Variants in ARHGEF3 observed in about 807,000 individuals in gnomAD.
ARHGEF3 encodes the protein Rho guanine nucleotide exchange factor 3, also known as 59.8 kDA protein.
In ARHGEF3, 28 loss-of-function variants were observed where a neutral mutation model predicts 63.2. The observed-to-expected ratio is 0.44, with a 90% CI of 0.33 to 0.61. The LOEUF is 0.61. ARHGEF3 is among the 20% of genes least tolerant of loss of function. The probability of loss-of-function intolerance (pLI) is 0.03; values close to 1 mark genes in which losing one functional copy is unlikely to be tolerated. For synonymous variants in ARHGEF3, 266 were observed against 254.2 expected (o/e 1.05, Z -0.44); for missense variants, 533 against 659.3 (o/e 0.81, Z 2.10).
chr3:56,761,202 G>A (rs918889644), intron 2 of ARHGEF3, among the ~76,000 whole-genome samples: 11 of 152,192 alleles, frequency 7.2e-5, no homozygotes, highest in Admixed American at 6.5e-4. Context: ...ATGGTCTGGG[G>A]ACAGCACATG....
intron 9 of ARHGEF3, among the ~76,000 whole-genome samples, chr3:56,730,847 G>GT (rs1437044780): frequency 6.6e-6 from 1 of 152,176 alleles, no homozygotes; most frequent in East Asian, 1.9e-4. Context: ...AAGCAACAGA[G>GT]GGAAAGGAGG....
At chr3:56,849,105 A>G (rs1482812117) in intron 4 of ARHGEF3, among the ~76,000 whole-genome samples, 1 of 152,168 alleles carries the variant, frequency 6.6e-6, no homozygotes. Context: ...TCTTAATTTC[A>G]GTGAATCAAG....
chr3:56,844,885 T>G (rs1412597928), intron 4 of ARHGEF3, among the ~76,000 whole-genome samples: 1 of 152,238 alleles, frequency 6.6e-6, no homozygotes, highest in Non-Finnish European at 1.5e-5. Context: ...ACTGATTTTC[T>G]TCTAGCCATA....
chr3:56,773,879 C>T, intron 1 of ARHGEF3, 63 bp from the exon 2 acceptor site: 1 of 1,325,648 alleles, frequency 7.5e-7, no homozygotes, highest in South Asian at 1.3e-5. Context: ...AACATAACTC[C>T]ATCATACAAC....
At chr3:57,027,923 G>C (rs1440026779) in intron 2 of ARHGEF3, among the ~76,000 whole-genome samples, 1 of 152,140 alleles carries the variant, frequency 6.6e-6, no homozygotes, top group Non-Finnish European at 1.5e-5. Flanking sequence ...ATTGGAGCAG[G>C]TACTTTAGAA....
At chr3:56,739,050 A>G (rs562389139) in intron 7 of ARHGEF3, among the ~76,000 whole-genome samples, 5 of 152,210 alleles carry the variant, frequency 3.3e-5, no homozygotes, top group Non-Finnish European at 7.4e-5. Context: ...AGCCGAGATC[A>G]CGCCACCGCA....
chr3:56,860,269 C>G (rs913238123), intron 4 of ARHGEF3, among the ~76,000 whole-genome samples: 20 of 152,014 alleles, frequency 1.3e-4, no homozygotes, highest in African/African-American at 4.6e-4. Flanking sequence ...CCTCAAATTC[C>G]TGGGCTCACG....
chr3:57,027,248 C>T (rs1375125623), intron 2 of ARHGEF3, among the ~76,000 whole-genome samples: 1 of 152,184 alleles, frequency 6.6e-6, no homozygotes, highest in Non-Finnish European at 1.5e-5. Flanking sequence ...GAAACTTCAA[C>T]AACTGGGCCA....
intron 1 of ARHGEF3, among the ~76,000 whole-genome samples, chr3:57,061,277 G>A (rs1227816331): frequency 1.3e-5 from 2 of 152,084 alleles, no homozygotes; most frequent in African/African-American, 4.8e-5. Flanking sequence ...GTTGTAGCAT[G>A]TGTCAAAAAT....
At chr3:56,845,124 C>CATA (rs35126368) in intron 4 of ARHGEF3, among the ~76,000 whole-genome samples, 17,986 of 152,136 alleles carry the variant, frequency 0.12, 1,217 homozygotes, top group Non-Finnish European at 0.15. Flanking sequence ...GTCCTTCAAC[C>CATA]ACAAGAAGCT....
At chr3:56,778,695 G>A (rs2036400721) in intron 1 of ARHGEF3, among the ~76,000 whole-genome samples, 1 of 152,028 alleles carries the variant, frequency 6.6e-6, no homozygotes, top group Admixed American at 6.5e-5. Flanking sequence ...CACCATGCCT[G>A]GCTAAATTTT....
chr3:56,759,354 A>G (rs1321339812), intron 2 of ARHGEF3, among the ~76,000 whole-genome samples: 1 of 151,544 alleles, frequency 6.6e-6, no homozygotes, highest in Non-Finnish European at 1.5e-5. Context: ...ATTTTTTTGT[A>G]TTTTTAGTAG....
intron 2 of ARHGEF3, among the ~76,000 whole-genome samples, chr3:56,979,368 G>C (rs1701240423): frequency 6.6e-6 from 1 of 152,220 alleles, no homozygotes; most frequent in African/African-American, 2.4e-5. Context: ...CAGGTTCACA[G>C]TGTTATTTGC....
chr3:56,831,224 G>A (rs969562545), intron 4 of ARHGEF3, among the ~76,000 whole-genome samples: 4 of 152,218 alleles, frequency 2.6e-5, no homozygotes, highest in African/African-American at 7.2e-5. Context: ...ACCCAAGGCC[G>A]TATGGCGAGT....
intron 3 of ARHGEF3, among the ~76,000 whole-genome samples, chr3:56,922,890 T>TTA (rs1334308290): frequency 5.3e-5 from 8 of 151,836 alleles, no homozygotes. Context: ...ACATATGTAT[T>TTA]TAAAAGCAGA....
At chr3:57,003,721 G>A (rs1196268628) in intron 2 of ARHGEF3, among the ~76,000 whole-genome samples, 1 of 152,196 alleles carries the variant, frequency 6.6e-6, no homozygotes, top group Non-Finnish European at 1.5e-5. Flanking sequence ...CTCTGACAGG[G>A]AAGCAAGAAG....
intron 4 of ARHGEF3, among the ~76,000 whole-genome samples, chr3:56,842,706 C>T (rs2108114665): frequency 6.6e-6 from 1 of 152,258 alleles, no homozygotes; most frequent in African/African-American, 2.4e-5. Flanking sequence ...GAGCTGCTCA[C>T]TCATCCTTCT....
chr3:56,914,716 C>T (rs79338744), intron 3 of ARHGEF3, among the ~76,000 whole-genome samples: 10,418 of 152,096 alleles, frequency 0.068, 416 homozygotes, highest in South Asian at 0.14. Flanking sequence ...ACCCAGAGGA[C>T]ATTATGCAAA....
chr3:56,813,663 G>A (rs2038155243), intron 4 of ARHGEF3, among the ~76,000 whole-genome samples: 1 of 152,080 alleles, frequency 6.6e-6, no homozygotes, highest in Admixed American at 6.6e-5. Flanking sequence ...AAAACTAAAA[G>A]GATCAGCATT....
Sources: allele counts gnomAD v4.1 joint callset (sites outside exome capture counted in the v4.1 genomes callset), GRCh38; gene constraint gnomAD v4.1.1; transcripts MANE v1.5; gene names NCBI Gene and HGNC (gene_info 2026-07-23, HGNC 2026-07-21).